AUTS2: variants seen among roughly 807,000 people sequenced by gnomAD.
AUTS2 encodes autism susceptibility gene 2 protein.
In AUTS2, 17 loss-of-function variants were observed where a neutral mutation model predicts 112.4. The observed-to-expected ratio is 0.15, with a 90% CI of 0.10 to 0.23. AUTS2 has a LOEUF of 0.23. Among genes scored for constraint, AUTS2 ranks in the 10% least tolerant of loss-of-function variants. The pLI is 1.00. For synonymous variants in AUTS2, 751 were observed against 702.7 expected (o/e 1.07, Z -1.09); for missense variants, 1,510 against 1,701.6 (o/e 0.89, Z 1.98).
intron 5 of AUTS2, among the ~76,000 whole-genome samples, chr7:70,519,956 C>T (rs888823629): frequency 6.6e-6 from 1 of 152,044 alleles, no homozygotes; most frequent in Admixed American, 6.6e-5. Context: ...ATAAAGTTGA[C>T]CCATTTTTAA....
chr7:70,577,223 A>G (rs11773257), intron 5 of AUTS2, among the ~76,000 whole-genome samples: 27,097 of 152,136 alleles, frequency 0.18, 2,820 homozygotes, highest in African/African-American at 0.29. Context: ...TGCAACCCCC[A>G]TGAACTGTGC....
chr7:69,926,788 A>C (rs1375043212), intron 2 of AUTS2, among the ~76,000 whole-genome samples: 4 of 146,904 alleles, frequency 2.7e-5, no homozygotes, highest in Non-Finnish European at 6.0e-5. Flanking sequence ...AAGATATATA[A>C]ATATATATAA....
intron 6 of AUTS2, among the ~76,000 whole-genome samples, chr7:70,727,565 C>T (rs1330729469): frequency 6.6e-6 from 1 of 152,162 alleles, no homozygotes; most frequent in Non-Finnish European, 1.5e-5. Flanking sequence ...CCAGGCTGGT[C>T]TCGAACTCCT....
rs149150723 is a variant in AUTS2 at position 70,790,723 on chromosome 7, C to T, written c.3507C>T (p.Ser1169=). Residue 1169 remains serine (S), a synonymous_variant, in exon 19 of 19, where the codon TCC becomes TCT. Coordinates refer to ENST00000342771, the MANE Select transcript of AUTS2 (RefSeq NM_015570.4). The surrounding 1 kb of genome is among the most constrained non-coding windows in gnomAD (Gnocchi z 7.6). Reference sequence around the variant, plus strand: ...ACTACGAGCACACGCGGCTCCACTCCGTGCACCCCGCCTCCCTCGACGGAC... The same window carrying T: ...ACTACGAGCACACGCGGCTCCACTCTGTGCACCCCGCCTCCCTCGACGGAC... ...REDYEHTRLH[S]VHPASLDGHL... 2.5e-6 allele frequency: 4 copies of T among 1,613,540 alleles called. No individual in the cohort carries two copies. Among genetic ancestry groups the T allele is most frequent in the Non-Finnish European group, 3.4e-6 (4 of 1,179,992 alleles).
chr7:70,572,556 T>C (rs555674416), intron 5 of AUTS2, among the ~76,000 whole-genome samples: 25 of 152,236 alleles, frequency 1.6e-4, no homozygotes, highest in African/African-American at 5.5e-4. Flanking sequence ...AGTTAAAATA[T>C]TGTTGAGACA....
intron 2 of AUTS2, among the ~76,000 whole-genome samples, chr7:69,928,776 G>A (rs1387917773): frequency 6.6e-6 from 1 of 152,104 alleles, no homozygotes; most frequent in Non-Finnish European, 1.5e-5. Flanking sequence ...AGCTGCAGCT[G>A]CAGCTGCACC....
chr7:69,755,394 T>G (rs985298913), intron 1 of AUTS2, among the ~76,000 whole-genome samples: 1 of 152,224 alleles, frequency 6.6e-6, no homozygotes, highest in Non-Finnish European at 1.5e-5. Flanking sequence ...ACTAATCATC[T>G]TTATTAAGCA....
chr7:70,420,325 C>T (rs1442700508), intron 4 of AUTS2, among the ~76,000 whole-genome samples: 1 of 152,066 alleles, frequency 6.6e-6, no homozygotes, highest in Non-Finnish European at 1.5e-5. Context: ...CTTTTATGAT[C>T]CCTGCCATCC....
At chr7:70,317,247 T>TTG (rs1455156117) in intron 4 of AUTS2, among the ~76,000 whole-genome samples, 1 of 152,206 alleles carries the variant, frequency 6.6e-6, no homozygotes, top group African/African-American at 2.4e-5. Context: ...TTTGTATATT[T>TTG]TGTGTGTGTG....
chr7:69,610,193 A>G (rs922021898), intron 1 of AUTS2, among the ~76,000 whole-genome samples: 9 of 152,256 alleles, frequency 5.9e-5, no homozygotes, highest in African/African-American at 1.9e-4. Context: ...CATGATTGAT[A>G]CGCTGTCCTA....
At chr7:70,727,379 C>A (rs1265406181) in intron 6 of AUTS2, among the ~76,000 whole-genome samples, 1 of 152,148 alleles carries the variant, frequency 6.6e-6, no homozygotes, top group African/African-American at 2.4e-5. Context: ...GATGGAGTTT[C>A]GCTCTTGTTG....
intron 3 of AUTS2, among the ~76,000 whole-genome samples, chr7:70,123,306 AT>A (rs1421935448): frequency 6.6e-6 from 1 of 152,050 alleles, no homozygotes; most frequent in African/African-American, 2.4e-5. Context: ...CAATTAATTT[AT>A]TTTTTTACTT....
At chr7:70,298,841 C>T (rs1233920184) in intron 4 of AUTS2, among the ~76,000 whole-genome samples, 1 of 152,188 alleles carries the variant, frequency 6.6e-6, no homozygotes, top group Non-Finnish European at 1.5e-5. Flanking sequence ...GGCTGACCTT[C>T]TCACACCACT....
chr7:70,027,174 G>C (rs1426292029), intron 2 of AUTS2, among the ~76,000 whole-genome samples: 1 of 152,048 alleles, frequency 6.6e-6, no homozygotes, highest in Non-Finnish European at 1.5e-5. Flanking sequence ...ACTAACAATG[G>C]GCTTATTGGG....
At chr7:70,330,588 A>G (rs2129619424) in intron 4 of AUTS2, among the ~76,000 whole-genome samples, 1 of 152,276 alleles carries the variant, frequency 6.6e-6, no homozygotes, top group Non-Finnish European at 1.5e-5. Flanking sequence ...CTCCTTTTAC[A>G]AGACTATTTT....
intron 5 of AUTS2, among the ~76,000 whole-genome samples, chr7:70,560,716 C>T (rs1482027213): frequency 6.6e-6 from 1 of 152,204 alleles, no homozygotes; most frequent in African/African-American, 2.4e-5. Flanking sequence ...CTTGAAACCT[C>T]ATCTTTATTT....
At chr7:70,058,357 G>A (rs778507291) in intron 2 of AUTS2, among the ~76,000 whole-genome samples, 20 of 152,072 alleles carry the variant, frequency 1.3e-4, no homozygotes, top group Non-Finnish European at 1.2e-4. Flanking sequence ...GTAGCATTGA[G>A]GCCTCATAAA....
At chr7:69,783,868 T>A (rs778981392) in intron 1 of AUTS2, among the ~76,000 whole-genome samples, 9 of 152,344 alleles carry the variant, frequency 5.9e-5, no homozygotes, top group South Asian at 2.1e-4. Flanking sequence ...GACTGAGATG[T>A]CTCTTAAAGC....
At chr7:69,601,980 C>T (rs1455076862) in intron 1 of AUTS2, among the ~76,000 whole-genome samples, 2 of 150,286 alleles carry the variant, frequency 1.3e-5, no homozygotes, top group Non-Finnish European at 3.0e-5. Flanking sequence ...TGGATTCCCA[C>T]GAACATTTTT....
Sources: allele counts gnomAD v4.1 joint callset (sites outside exome capture counted in the v4.1 genomes callset), GRCh38; gene constraint gnomAD v4.1.1; non-coding constraint Gnocchi (gnomAD v3.1); transcripts MANE v1.5; gene names NCBI Gene and HGNC (gene_info 2026-07-23, HGNC 2026-07-21).